KDM2B: variants seen among roughly 807,000 people sequenced by gnomAD.
The protein encoded by KDM2B is lysine-specific demethylase 2B.
KDM2B carries 26 observed loss-of-function variants against 150.0 expected under a neutral mutation model. The observed-to-expected ratio is 0.17, with a 90% CI of 0.13 to 0.24. The LOEUF (loss-of-function observed/expected upper bound fraction) is 0.24. Among genes scored for constraint, KDM2B ranks in the 10% least tolerant of loss-of-function variants. The probability of loss-of-function intolerance (pLI) is 1.00; values close to 1 mark genes in which losing one functional copy is unlikely to be tolerated. For missense variants in KDM2B, 1,265 were observed against 1,816.9 expected (o/e 0.70, Z 5.52); for synonymous variants, 734 against 729.5 (o/e 1.01, Z -0.10).
chr12:121,484,641 G>A (rs3999179), intron 12 of KDM2B, among the ~76,000 whole-genome samples: 2 of 151,790 alleles, frequency 1.3e-5, no homozygotes, highest in Non-Finnish European at 2.9e-5. Flanking sequence ...AACAGAGTAA[G>A]ACCCCATCTC....
chr12:121,523,167 G>A (rs782082950), intron 8 of KDM2B, among the ~76,000 whole-genome samples: 2 of 152,244 alleles, frequency 1.3e-5, no homozygotes, highest in African/African-American at 4.8e-5. Flanking sequence ...GCTGGCAAGC[G>A]ACAGCGGCTC....
At chr12:121,459,745 G>C (rs150017041) in intron 12 of KDM2B, among the ~76,000 whole-genome samples, 2 of 151,466 alleles carry the variant, frequency 1.3e-5, no homozygotes, top group African/African-American at 4.9e-5. Flanking sequence ...CAAGAGAATC[G>C]CTTGAACCCA....
At chr12:121,443,569 G>A (rs1875564051) in intron 17 of KDM2B, 111 bp downstream of exon 17, 5 of 725,058 alleles carry the variant, frequency 6.9e-6, no homozygotes, top group South Asian at 3.0e-5. Context: ...CGAGACCTGG[G>A]AAGCCTCAGG....
rs1280112555 is a variant in KDM2B, at chr12:121,512,496, C to T, written c.1174+780G>A. On this transcript the variant is annotated intron_variant, in intron 10 of 22. Coordinates refer to ENST00000377071, the MANE Select transcript of KDM2B (RefSeq NM_032590.5). ...TGTGCAGACCCTCAAGGAGACAGAC[C>T]AGTCTCATCTTTCTATCCCCTGGTT... Among the ~76,000 whole-genome samples, 22 of 152,040 alleles carry T rather than the reference C, an allele frequency of 1.4e-4. No individual in the cohort carries two copies. In the South Asian group the frequency reaches 3.9e-3, roughly 27 times the overall value.
rs7132042 is a variant in KDM2B at position 121,507,511 on chromosome 12, C to G, written c.1647+2056G>C. On this transcript the variant is annotated intron_variant, in intron 11 of 22. Transcript: ENST00000377071. Reference sequence around the variant, plus strand: ...ATTCCCCTGTGGGGAAGGAGGAAGTCTGCGCTGCTTGCGCTTTTTCTAACC... The same window carrying G: ...ATTCCCCTGTGGGGAAGGAGGAAGTGTGCGCTGCTTGCGCTTTTTCTAACC... Among the ~76,000 whole-genome samples the G allele has an allele frequency of 3.2e-3, 489 of 152,320 alleles. 6 individuals are homozygous for G. The highest frequency in any genetic ancestry group is 0.011 in the African/African-American group (469 of 41,560).
At position 121,467,109 on chromosome 12, in the gene KDM2B, G is replaced by A; in HGVS notation, c.1735-13765C>T. The A allele has an allele frequency of 9.3e-7, 1 of 1,074,708 alleles. No individual in the cohort carries two copies. The highest frequency in any genetic ancestry group is 1.2e-6 in the Non-Finnish European group (1 of 858,346). The allele number at this position is 1,074,708 out of a possible 1,614,324, so 66.6% of individuals were successfully genotyped here. On this transcript the variant is annotated intron_variant, in intron 12 of 22. Coordinates refer to ENST00000377071, the MANE Select transcript of KDM2B (RefSeq NM_032590.5). This position sits in a 1 kb window ranked among gnomAD's most constrained non-coding sequence, Gnocchi z 5.1. The stretch of plus-strand genomic sequence containing the variant: ...CCTCGGCGCGTCAGACAGGCGGTCG[G>A]GAGGTCGTGCGGCGGGTCCCTCCCT...
At chr12:121,470,068 G>C (rs1212228590) in intron 12 of KDM2B, 4 of 150,410 alleles carry the variant, frequency 2.7e-5, no homozygotes, top group African/African-American at 4.9e-5. Flanking sequence ...CTGCCCTCCA[G>C]CCTGGGCAAC....
intron 4 of KDM2B, among the ~76,000 whole-genome samples, chr12:121,561,777 T>C (rs1449461206): frequency 6.6e-6 from 1 of 152,190 alleles, no homozygotes; most frequent in Non-Finnish European, 1.5e-5. Context: ...AAATAATTTG[T>C]CTACAGGCCT....
At position 121,468,970 on chromosome 12, in the gene KDM2B, C is replaced by T. The variant is rs1049897388; in HGVS notation, c.1735-15626G>A. Reference sequence around the variant, plus strand: ...CTGGAGTGCAGTGGATCTCGGCTCACTGCAACCTCCACCTCCTGGGTTCAA... The same window carrying T: ...CTGGAGTGCAGTGGATCTCGGCTCATTGCAACCTCCACCTCCTGGGTTCAA... On this transcript the variant is annotated intron_variant, in intron 12 of 22. Coordinates refer to ENST00000377071, the MANE Select transcript of KDM2B (RefSeq NM_032590.5). This position sits in a 1 kb window ranked among gnomAD's most constrained non-coding sequence, Gnocchi z 4.0. 4 of 152,174 alleles carry T rather than the reference C, an allele frequency of 2.6e-5. No homozygotes were observed. Among genetic ancestry groups the T allele is most frequent in the African/African-American group, 9.7e-5 (4 of 41,442 alleles). 9.4% of individuals were successfully genotyped at this position (152,174 alleles called of 1,614,324 possible). A position where few individuals can be genotyped will look rare whatever the true frequency, so the allele number is the denominator to read the frequency against.
chr12:121,580,662 A>T (rs376663370), intron 1 of KDM2B, 124 bp downstream of exon 1: 195 of 1,361,160 alleles, frequency 1.4e-4, no homozygotes, highest in Non-Finnish European at 3.7e-5. Context: ...CAAGCCGAGC[A>T]TGCTGGCGTG....
At chr12:121,475,281 A>C (rs782092626) in intron 12 of KDM2B, among the ~76,000 whole-genome samples, 7 of 151,838 alleles carry the variant, frequency 4.6e-5, no homozygotes, top group Non-Finnish European at 1.0e-4. Flanking sequence ...AAATGGACAC[A>C]CAAAAAAACT....
intron 6 of KDM2B, chr12:121,535,958 A>T: frequency 1.4e-6 from 1 of 734,242 alleles, no homozygotes; most frequent in Non-Finnish European, 1.7e-6. Context: ...CAGCCTCCCC[A>T]CCGCTCACGC....
chr12:121,559,937 T>C (rs1166304594), intron 4 of KDM2B, among the ~76,000 whole-genome samples: 5 of 151,776 alleles, frequency 3.3e-5, no homozygotes, highest in African/African-American at 1.2e-4. Flanking sequence ...ATCTATGATA[T>C]ATATATGAAA....
In KDM2B at chr12:121,509,656, G is replaced by C. The variant is rs1885406756; in HGVS notation, c.1558C>G (p.Leu520Val). Residue 520 changes from leucine to valine, a missense_variant, in exon 11 of 23, where the codon CTG (leucine) becomes GTG (valine). Coordinates refer to ENST00000377071, the MANE Select transcript of KDM2B (RefSeq NM_032590.5). The stretch of plus-strand genomic sequence containing the variant: ...GGGAGGGATTCCAGTTTCTCCACCA[G>C]AGCTTTCAGGCCCTTCAGTTCAAAC... ...TEFELKGLKA[L>V]VEKLESLPEN... The C allele has an allele frequency of 3.1e-6, 5 of 1,613,918 alleles. No individual in the cohort carries two copies. In the South Asian group the frequency reaches 3.3e-5, roughly 11 times the overall value.
chr12:121,438,678 T>C (rs559285066), intron 22 of KDM2B, among the ~76,000 whole-genome samples: 2 of 152,270 alleles, frequency 1.3e-5, no homozygotes, highest in East Asian at 1.9e-4. Context: ...AAAGCTCCCA[T>C]GCCCCTGCTA....
chr12:121,499,341 G>A (rs1001503970), intron 11 of KDM2B, among the ~76,000 whole-genome samples: 18 of 148,596 alleles, frequency 1.2e-4, no homozygotes, highest in African/African-American at 4.2e-4. Flanking sequence ...GGCTGGTCTT[G>A]AACTGCTGAC....
chr12:121,563,226 GATCACTTGAACCCAGGAGGT>G (rs1890467402), intron 4 of KDM2B, among the ~76,000 whole-genome samples: 1 of 151,752 alleles, frequency 6.6e-6, no homozygotes, highest in Non-Finnish European at 1.5e-5. Context: ...GAGGCAGCAA[GATCACTTGAACCCAGGAGGT>G]CAAGTCTGCA....
chr12:121,485,627 A>G (rs1443944090), intron 12 of KDM2B, among the ~76,000 whole-genome samples: 2 of 151,612 alleles, frequency 1.3e-5, no homozygotes, highest in Non-Finnish European at 2.9e-5. Flanking sequence ...GGGAGGGGAG[A>G]ACGGGGGGTG....
chr12:121,445,575 G>A (rs967472226), intron 13 of KDM2B, among the ~76,000 whole-genome samples, 157 bp from the exon 14 acceptor site: 3 of 152,198 alleles, frequency 2.0e-5, no homozygotes, highest in African/African-American at 4.8e-5. Flanking sequence ...ATTGAAATAC[G>A]TATCAGGCTA....
Sources: gnomAD v4.1 joint callset for allele counts (sites outside exome capture counted in the v4.1 genomes callset) on GRCh38, gnomAD v4.1.1 for gene constraint, Gnocchi (gnomAD v3.1) non-coding constraint, MANE v1.5 for transcripts, NCBI Gene and HGNC (gene_info 2026-07-23, HGNC 2026-07-21) for gene names.